AKNAD1: variants seen among roughly 807,000 people sequenced by gnomAD.
AKNAD1 encodes the protein protein AKNAD1.
A neutral mutation model predicts 90.8 loss-of-function variants in AKNAD1; 67 were observed. That is an observed-to-expected ratio of 0.74 (90% confidence interval 0.61 to 0.90). AKNAD1 has a LOEUF of 0.90. Ranked by LOEUF, AKNAD1 falls within the 40% of genes least tolerant of loss-of-function variation. The probability of loss-of-function intolerance (pLI) is 0.00; values close to 1 mark genes in which losing one functional copy is unlikely to be tolerated. For missense variants in AKNAD1, 957 were observed against 975.4 expected, an observed-to-expected ratio of 0.98 and a Z score of 0.25; for synonymous variants, 327 against 341.4, an observed-to-expected ratio of 0.96 and a Z score of 0.46.
chr1:108,833,538 G>C (rs1003902335), intron 9 of AKNAD1, among the ~76,000 whole-genome samples: 26 of 151,760 alleles, frequency 1.7e-4, no homozygotes, highest in African/African-American at 6.3e-4. Context: ...AGCTGGGATC[G>C]CACCATTGCA....
rs767521642 is a variant in AKNAD1 at position 108,816,261 on chromosome 1, G to GATCTGTA, written c.2420_2421insTACAGAT (p.Ile808ThrfsTer13). ...TTTGATCTGTAGTTTCTTTCAAAAT[G>GATCTGTA]GTTGCTGTCCTTAGGGCATGATCCA... is the stretch of plus-strand genomic sequence containing the variant. On this transcript the variant is annotated frameshift_variant, in exon 16 of 16. Coordinates refer to ENST00000370001, the MANE Select transcript of AKNAD1 (RefSeq NM_152763.5). LOFTEE classifies it high-confidence loss of function. 5.0e-6 allele frequency: 8 copies of GATCTGTA among 1,613,648 alleles called. No individual in the cohort carries two copies. In the African/African-American group the frequency reaches 8.0e-5, roughly 16 times the overall value.
chr1:108,827,284 T>C lies in AKNAD1; in HGVS notation c.1857A>G (p.Lys619=). Residue 619 remains lysine, a synonymous_variant, in exon 11 of 16, where the codon AAA becomes AAG. Transcript: ENST00000370001. The part of the protein sequence containing the change: ...RLLEWKQNVE[K]KGHGRINCGR... The stretch of plus-strand genomic sequence containing the variant: ...CACAGTTGATCCTTCCGTGGCCCTT[T>C]TTCTCCACGTTTTGCTTCCTAAAAA... 6.2e-7 allele frequency: 1 copy of C among 1,611,170 alleles called. No homozygotes were observed. The highest frequency in any genetic ancestry group is 8.5e-7 in the Non-Finnish European group (1 of 1,178,860).
chr1:108,823,704 T>A lies in AKNAD1; in HGVS notation c.1937-16A>T. The A allele has an allele frequency of 1.9e-6, 3 of 1,613,994 alleles. No individual in the cohort carries two copies. Among genetic ancestry groups the A allele is most frequent in the Non-Finnish European group, 2.5e-6 (3 of 1,179,936 alleles). On this transcript the variant is annotated splice_polypyrimidine_tract_variant and intron_variant, in intron 11 of 15. Transcript: ENST00000370001. ...GTATCAGAATCTGAAAAAGCCCAAGTTGCATGAATGAAGGGTAAGTGTCTT... is the reference window on the plus strand; with the variant it reads ...GTATCAGAATCTGAAAAAGCCCAAGATGCATGAATGAAGGGTAAGTGTCTT...
At position 108,827,437 on chromosome 1, in the gene AKNAD1, A is replaced by G. The variant is rs888739849; in HGVS notation, c.1839-135T>C. 7.7e-6 allele frequency: 5 copies of G among 647,408 alleles called. No homozygotes were observed. In the African/African-American group the frequency reaches 9.1e-5, roughly 12 times the overall value. The allele number at this position is 647,408 out of a possible 1,614,324, so 40.1% of individuals were successfully genotyped here. On this transcript the variant is annotated intron_variant, in intron 10 of 15. Coordinates refer to ENST00000370001, the MANE Select transcript of AKNAD1 (RefSeq NM_152763.5). ...GTGTAGGAGGGGCTTGTCATCCTCT[A>G]CACAGAGCTCTCCTCTGCCTGCCTG...
chr1:108,844,403 A>G (rs1353407336), intron 5 of AKNAD1, among the ~76,000 whole-genome samples: 1 of 149,714 alleles, frequency 6.7e-6, no homozygotes, highest in Non-Finnish European at 1.5e-5. Flanking sequence ...TATATACCAA[A>G]GCCAGAGCTC....
intron 14 of AKNAD1, among the ~76,000 whole-genome samples, chr1:108,819,736 ACT>A (rs2101156524): frequency 6.8e-6 from 1 of 146,970 alleles, no homozygotes; most frequent in Non-Finnish European, 1.5e-5. Flanking sequence ...ACATAACAAG[ACT>A]CTGTCTCTAC....
rs184775863 is a variant in AKNAD1, at chr1:108,827,227, T to C, written c.1914A>G (p.Ala638=). Residue 638 remains alanine (A), a synonymous_variant, in exon 11 of 16, where the codon GCA becomes GCG. Transcript: ENST00000370001. ...TACTGGGAGTTGAATCTGAGTGTGGTGCCTTTTCATGAAGGACAATTGAAA... is the reference window on the plus strand; with the variant it reads ...TACTGGGAGTTGAATCTGAGTGTGGCGCCTTTTCATGAAGGACAATTGAAA... The part of the protein sequence containing the change: ...GRFSIVLHEK[A]PHSDSTPNSD... The C allele has an allele frequency of 3.1e-6, 5 of 1,611,418 alleles. No homozygotes were observed. In the Admixed American group the frequency reaches 6.7e-5, roughly 22 times the overall value.
chr1:108,842,799 G>A (rs769572596), intron 6 of AKNAD1, among the ~76,000 whole-genome samples: 1 of 152,140 alleles, frequency 6.6e-6, no homozygotes, highest in Non-Finnish European at 1.5e-5. Context: ...TATCATGTGA[G>A]CCTTTCTAGG....
chr1:108,828,728 C>T (rs916124587), intron 10 of AKNAD1, among the ~76,000 whole-genome samples: 4 of 151,816 alleles, frequency 2.6e-5, no homozygotes, highest in Non-Finnish European at 5.9e-5. Flanking sequence ...TCTCACACCT[C>T]ATTTTCTGTC....
chr1:108,833,594 T>TA (rs1372810198), intron 9 of AKNAD1, among the ~76,000 whole-genome samples: 1 of 151,946 alleles, frequency 6.6e-6, no homozygotes, highest in African/African-American at 2.4e-5. Flanking sequence ...AAAAAAAAAT[T>TA]AGATTGATTT....
chr1:108,835,076 A>G lies in AKNAD1; in HGVS notation c.1537-20T>C. The G allele has an allele frequency of 6.4e-7, 1 of 1,568,348 alleles. No individual in the cohort carries two copies. Among genetic ancestry groups the G allele is most frequent in the South Asian group, 1.2e-5 (1 of 85,246 alleles). ...GGGAATCTGGGGGAGCCACACAGAA[A>G]GACTTGAATTAGAGCCACAGTCCCA... is the stretch of plus-strand genomic sequence containing the variant. On this transcript the variant is annotated intron_variant, in intron 7 of 15. Coordinates refer to ENST00000370001, the MANE Select transcript of AKNAD1 (RefSeq NM_152763.5).
At position 108,816,290 on chromosome 1, in the gene AKNAD1, C is replaced by A; in HGVS notation, c.2392G>T (p.Ala798Ser). The change falls in exon 16 of 16, where the codon GCT becomes TCT. Residue 798 changes from alanine (A) to serine (S), a missense_variant. Physicochemically the swap from Ala to Ser is moderately conservative, Grantham distance 99. Transcript: ENST00000370001. The stretch of plus-strand genomic sequence containing the variant: ...GCTGTCCTTAGGGCATGATCCAAAG[C>A]CGAGTTTAAAATCTACAGAGGAAAA... ...EEIKSEILNS[A>S]LDHALRTATI... The A allele has an allele frequency of 6.2e-7, 1 of 1,610,858 alleles. No homozygotes were observed. Among genetic ancestry groups the A allele is most frequent in the Non-Finnish European group, 8.5e-7 (1 of 1,178,986 alleles).
At chr1:108,816,623 G>A (rs543215060) in intron 15 of AKNAD1, among the ~76,000 whole-genome samples, 43 of 152,322 alleles carry the variant, frequency 2.8e-4, no homozygotes, top group Middle Eastern at 6.8e-3. Flanking sequence ...CATTGATGGG[G>A]ATTGGGGGGC....
In AKNAD1 at chr1:108,823,691, G is replaced by A. The variant is rs369057849; in HGVS notation, c.1937-3C>T. On this transcript the variant is annotated splice_region_variant and splice_polypyrimidine_tract_variant and intron_variant, in intron 11 of 15. Transcript: ENST00000370001. ...GAAGCTGTGTCCTGTATCAGAATCT[G>A]AAAAAGCCCAAGTTGCATGAATGAA... 2.5e-6 allele frequency: 4 copies of A among 1,613,876 alleles called. No individual in the cohort carries two copies. The African/African-American group carries it at 5.3e-5, about 22-fold the overall frequency.
intron 14 of AKNAD1, 87 bp downstream of exon 14, chr1:108,820,458 G>T: frequency 1.2e-6 from 1 of 805,068 alleles, no homozygotes; most frequent in African/African-American, 1.7e-5. Context: ...GGTTATCTTG[G>T]GGTAGGTAGT....
Position 108,823,456 on chromosome 1 carries a change from G to A in AKNAD1, c.2081C>T (p.Thr694Ile). The A allele has an allele frequency of 6.2e-7, 1 of 1,614,088 alleles. No homozygotes were observed. The highest frequency in any genetic ancestry group is 1.1e-5 in the South Asian group (1 of 91,084). Residue 694 changes from threonine (T) to isoleucine (I), a missense_variant, in exon 13 of 16, where the codon ACT becomes ATT. Coordinates refer to ENST00000370001, the MANE Select transcript of AKNAD1 (RefSeq NM_152763.5). ...ATGATTTGAGTAATTCTGTCCTGGAGTGTTGTATCTATAATGAAATTCTGG... is the reference window on the plus strand; with the variant it reads ...ATGATTTGAGTAATTCTGTCCTGGAATGTTGTATCTATAATGAAATTCTGG... ...PTKEFHYRYN[T>I]PGQNYSNHSK...
intron 13 of AKNAD1, 194 bp downstream of exon 13, chr1:108,823,176 G>A: frequency 1.4e-6 from 1 of 720,232 alleles, no homozygotes; most frequent in Non-Finnish European, 2.6e-6. Context: ...ATATTTTCCA[G>A]CCCCAGCTCA....
intron 6 of AKNAD1, among the ~76,000 whole-genome samples, chr1:108,840,867 A>C (rs2101198088): frequency 6.6e-6 from 1 of 152,230 alleles, no homozygotes; most frequent in South Asian, 2.1e-4. Flanking sequence ...ACAAGGAGAG[A>C]CTGAAAGTTT....
chr1:108,852,532 T>A lies in AKNAD1; in HGVS notation c.133A>T (p.Asn45Tyr). 6.2e-7 allele frequency: 1 copy of A among 1,614,162 alleles called. No individual in the cohort carries two copies. Among genetic ancestry groups the A allele is most frequent in the Non-Finnish European group, 8.5e-7 (1 of 1,180,026 alleles). Reference protein sequence around the residue: ...TSKKDGLEVLNQIIFIADDPQ... With the variant: ...TSKKDGLEVLYQIIFIADDPQ... ...TCATCTGCTATGAAAATAATTTGAT[T>A]TAAGACTTCAAGGCCATCCTTTTTT... is the stretch of plus-strand genomic sequence containing the variant. Residue 45 changes from asparagine to tyrosine, a missense_variant, in exon 2 of 16, where the codon AAT becomes TAT. Asn to Tyr is a moderately radical substitution (Grantham distance 143). Coordinates refer to ENST00000370001, the MANE Select transcript of AKNAD1 (RefSeq NM_152763.5).
Sources: gnomAD v4.1 joint callset for allele counts (sites outside exome capture counted in the v4.1 genomes callset) on GRCh38, gnomAD v4.1.1 for gene constraint, MANE v1.5 for transcripts, NCBI Gene and HGNC (gene_info 2026-07-23, HGNC 2026-07-21) for gene names.